MYO6: variants seen among roughly 807,000 people sequenced by gnomAD.
The protein encoded by MYO6 is unconventional myosin-VI.
In MYO6, 74 loss-of-function variants were observed where a neutral mutation model predicts 178.7. The ratio of observed to expected loss-of-function variants is 0.41; its 90% CI spans 0.34 to 0.50. The LOEUF is 0.50. Among genes scored for constraint, MYO6 ranks in the 20% least tolerant of loss-of-function variants. MYO6 has a pLI of 0.09. For synonymous variants in MYO6, 477 were observed against 504.6 expected (o/e 0.95, Z 0.73); for missense variants, 1,330 against 1,547.4 (o/e 0.86, Z 2.36).
intron 1 of MYO6, among the ~76,000 whole-genome samples, chr6:75,781,814 C>T (rs925517179): frequency 4.2e-5 from 6 of 142,058 alleles, no homozygotes; most frequent in African/African-American, 1.1e-4. Flanking sequence ...GTTATTCGGG[C>T]GGCTGAGGCA....
At chr6:75,840,809 C>A in intron 8 of MYO6, 127 bp downstream of exon 8, 1 of 757,144 alleles carries the variant, frequency 1.3e-6, no homozygotes, top group South Asian at 1.5e-5. Context: ...TAGATGGTTG[C>A]AGGAATATAT....
chr6:75,853,129 A>G (rs886202332), intron 11 of MYO6, among the ~76,000 whole-genome samples: 4 of 152,242 alleles, frequency 2.6e-5, no homozygotes, highest in African/African-American at 7.2e-5. Context: ...GACCATTTGT[A>G]TATCTTTTTT....
At chr6:75,911,767 T>C (rs141435973) in intron 33 of MYO6, 69 bp downstream of exon 33, 2 of 1,453,684 alleles carry the variant, frequency 1.4e-6, no homozygotes, top group East Asian at 2.3e-5. Flanking sequence ...AAGTACTAAC[T>C]TCTATTAAAA....
chr6:75,901,903 A>G (rs1779808167), intron 30 of MYO6, among the ~76,000 whole-genome samples: 2 of 152,240 alleles, frequency 1.3e-5, no homozygotes, highest in South Asian at 4.1e-4. Context: ...CGTCCCATCA[A>G]TACCTAATTT....
chr6:75,910,846 C>T (rs551952485), intron 32 of MYO6, among the ~76,000 whole-genome samples: 1 of 151,964 alleles, frequency 6.6e-6, no homozygotes, highest in Non-Finnish European at 1.5e-5. Flanking sequence ...AGCTAAACAC[C>T]CTTTAAAAGG....
intron 2 of MYO6, among the ~76,000 whole-genome samples, chr6:75,819,993 G>A (rs892360087): frequency 9.2e-5 from 14 of 152,128 alleles, no homozygotes; most frequent in African/African-American, 3.4e-4. Flanking sequence ...GCAGTGAGCT[G>A]TGATTGTGCC....
chr6:75,906,917 A>T (rs552926506), intron 30 of MYO6, among the ~76,000 whole-genome samples: 6 of 152,206 alleles, frequency 3.9e-5, no homozygotes, highest in African/African-American at 1.2e-4. Context: ...TAGTTTTCTT[A>T]TTACTTATGA....
intron 21 of MYO6, 44 bp downstream of exon 21, chr6:75,879,994 T>C (rs1489480062): frequency 5.0e-6 from 8 of 1,613,348 alleles, no homozygotes; most frequent in African/African-American, 4.0e-5. Context: ...TATGAACTTG[T>C]CTTTTCTATT....
intron 1 of MYO6, among the ~76,000 whole-genome samples, chr6:75,777,473 G>T (rs953589000): frequency 6.6e-6 from 1 of 151,372 alleles, no homozygotes; most frequent in African/African-American, 2.4e-5. Flanking sequence ...TGTCACCTGG[G>T]CTACAGTGCA....
intron 20 of MYO6, 100 bp from the exon 21 acceptor site, chr6:75,879,720 G>A: frequency 6.6e-7 from 1 of 1,510,382 alleles, no homozygotes. Flanking sequence ...CTCATAAATT[G>A]CCCGTTTCTA....
At chr6:75,867,190 G>A (rs186190558) in intron 18 of MYO6, 85 bp downstream of exon 18, 39 of 1,146,626 alleles carry the variant, frequency 3.4e-5, no homozygotes, top group Admixed American at 2.2e-4. Flanking sequence ...GTAGATCACT[G>A]TCAGAAATCT....
chr6:75,822,498 A>T (rs1771993735), intron 2 of MYO6, among the ~76,000 whole-genome samples: 1 of 139,888 alleles, frequency 7.1e-6, no homozygotes, highest in Admixed American at 7.9e-5. Context: ...ATTTAATATT[A>T]ATATACCTCT....
At chr6:75,862,192 C>T (rs1380018477) in intron 15 of MYO6, among the ~76,000 whole-genome samples, 1 of 152,142 alleles carries the variant, frequency 6.6e-6, no homozygotes, top group Non-Finnish European at 1.5e-5. Context: ...TGTTTGAAAG[C>T]GTTTACATCA....
At chr6:75,866,827 A>G in intron 17 of MYO6, 105 bp from the exon 18 acceptor site, 1 of 1,279,532 alleles carries the variant, frequency 7.8e-7, no homozygotes, top group Admixed American at 1.8e-5. Context: ...GACAGTGCAG[A>G]TACAGAACAT....
chr6:75,899,869 A>G (rs1009148873), intron 30 of MYO6, among the ~76,000 whole-genome samples: 6 of 136,748 alleles, frequency 4.4e-5, no homozygotes, highest in Admixed American at 3.6e-4. Context: ...ATATCTCCCA[A>G]TGCTATCCCT....
At chr6:75,858,628 G>A (rs1218015777) in intron 13 of MYO6, among the ~76,000 whole-genome samples, 1 of 151,944 alleles carries the variant, frequency 6.6e-6, no homozygotes, top group Non-Finnish European at 1.5e-5. Context: ...TAGTTAACAT[G>A]TGGCTTACAT....
At position 75,842,225 on chromosome 6, in the gene MYO6, T is replaced by A. The variant is rs148019829; in HGVS notation, c.816+847T>A. Among the ~76,000 whole-genome samples, 467 of 149,932 alleles carry A rather than the reference T, an allele frequency of 3.1e-3. 5 individuals carry two copies. Among genetic ancestry groups the A allele is most frequent in the African/African-American group, 0.011 (443 of 40,604 alleles). On this transcript the variant is annotated intron_variant, in intron 9 of 34. Coordinates refer to ENST00000369977, the MANE Select transcript of MYO6 (RefSeq NM_004999.4). ...ATGCACACACACACACACACACACCTGAGCATTACAAGCGAGTAGAGTTTC... is the reference window on the plus strand; with the variant it reads ...ATGCACACACACACACACACACACCAGAGCATTACAAGCGAGTAGAGTTTC...
At chr6:75,750,728 C>A (rs1399253765) in intron 1 of MYO6, among the ~76,000 whole-genome samples, 1 of 151,630 alleles carries the variant, frequency 6.6e-6, no homozygotes, top group African/African-American at 2.4e-5. Flanking sequence ...ACAGTAAGGG[C>A]GCGCCACTGC....
At chr6:75,766,933 C>T (rs1199636001) in intron 1 of MYO6, among the ~76,000 whole-genome samples, 1 of 152,118 alleles carries the variant, frequency 6.6e-6, no homozygotes, top group East Asian at 1.9e-4. Context: ...GTTCTTGGCC[C>T]ATACCCACAG....
Sources: gnomAD v4.1 joint callset for allele counts (sites outside exome capture counted in the v4.1 genomes callset) on GRCh38, gnomAD v4.1.1 for gene constraint, MANE v1.5 for transcripts, NCBI Gene and HGNC (gene_info 2026-07-23, HGNC 2026-07-21) for gene names.